The following CHODL variants were observed in gnomAD, a reference collection of about 807,000 sequenced individuals.
CHODL encodes the protein transmembrane protein MT75.
Under a neutral mutation model 34.5 loss-of-function variants are expected in CHODL, and 29 were observed. The ratio of observed to expected loss-of-function variants is 0.84; its 90% CI spans 0.63 to 1.15. CHODL has a LOEUF of 1.15. CHODL is among the 50% of genes most tolerant of loss of function. The pLI is 0.00. For missense variants in CHODL, 332 were observed against 332.5 expected (o/e 1.00, Z 0.01); for synonymous variants, 125 against 116.1 (o/e 1.08, Z -0.49).
intron 3 of CHODL, among the ~76,000 whole-genome samples, chr21:18,257,342 G>T (rs1257671244): frequency 6.6e-6 from 1 of 152,120 alleles, no homozygotes; most frequent in African/African-American, 2.4e-5. Flanking sequence ...AATAAAAACA[G>T]CTGGAGAGAT....
chr21:18,009,517 G>A (rs1279010091), intron 1 of CHODL, among the ~76,000 whole-genome samples: 1 of 151,988 alleles, frequency 6.6e-6, no homozygotes, highest in Non-Finnish European at 1.5e-5. Flanking sequence ...AGCATAAAAT[G>A]AGGATAATGT....
intron 1 of CHODL, among the ~76,000 whole-genome samples, chr21:17,982,481 C>T (rs893487494): frequency 1.2e-4 from 18 of 151,854 alleles, no homozygotes; most frequent in African/African-American, 3.9e-4. Flanking sequence ...AGAAGTGATA[C>T]CCAGTTAAAA....
chr21:18,082,438 T>C (rs1968804665), intron 2 of CHODL, among the ~76,000 whole-genome samples: 1 of 41,902 alleles, frequency 2.4e-5, no homozygotes, highest in African/African-American at 5.8e-5. Context: ...GCTATAAAGA[T>C]ACTGAAAATG....
chr21:18,113,656 G>T lies in CHODL; in HGVS notation c.-45+85685G>T, dbSNP rs551841294. Among the ~76,000 whole-genome samples, 18 of 152,248 alleles carry T rather than the reference G, an allele frequency of 1.2e-4. 1 individual carries two copies. The South Asian group carries it at 3.7e-3, about 32-fold the overall frequency. ...ACTTACTATCACCAGAATAGCAAGG[G>T]GGGAATCCACCCATGATCCAGTCAC... On this transcript the variant is annotated intron_variant, in intron 2 of 6. Coordinates refer to the CHODL transcript ENST00000400127.
At chr21:18,185,161 T>C in intron 2 of CHODL, among the ~76,000 whole-genome samples, 1 of 152,208 alleles carries the variant, frequency 6.6e-6, no homozygotes, top group East Asian at 1.9e-4. Context: ...CTCCTAATGC[T>C]ATCCCTCCCC....
At chr21:18,079,020 T>C (rs909950935) in intron 2 of CHODL, among the ~76,000 whole-genome samples, 4 of 152,180 alleles carry the variant, frequency 2.6e-5, no homozygotes, top group Non-Finnish European at 5.9e-5. Context: ...AGTGCAGATT[T>C]CTTACTTGCA....
At chr21:18,049,297 T>C (rs565783456) in intron 2 of CHODL, among the ~76,000 whole-genome samples, 1 of 152,046 alleles carries the variant, frequency 6.6e-6, no homozygotes, top group African/African-American at 2.4e-5. Flanking sequence ...TGATAAACTT[T>C]TTAGAAGTTT....
chr21:18,179,638 T>C (rs993970807), intron 2 of CHODL, among the ~76,000 whole-genome samples: 3 of 152,184 alleles, frequency 2.0e-5, no homozygotes, highest in African/African-American at 7.2e-5. Flanking sequence ...GGACCAATTA[T>C]GTCTGATAAT....
chr21:18,211,967 T>A (rs989144846), intron 2 of CHODL, among the ~76,000 whole-genome samples: 2 of 152,166 alleles, frequency 1.3e-5, no homozygotes, highest in Admixed American at 6.5e-5. Context: ...TTAGAATCCA[T>A]GCAGAAAAAT....
intron 2 of CHODL, among the ~76,000 whole-genome samples, chr21:18,229,271 T>C (rs1312713862): frequency 6.6e-6 from 1 of 152,178 alleles, no homozygotes; most frequent in Non-Finnish European, 1.5e-5. Flanking sequence ...AGATTTTCTG[T>C]GATAATTTTG....
intron 1 of CHODL, among the ~76,000 whole-genome samples, chr21:17,944,565 A>C (rs2063390451): frequency 1.3e-5 from 2 of 152,130 alleles, no homozygotes; most frequent in Admixed American, 1.3e-4. Flanking sequence ...GTCTCCATCT[A>C]ACTTTAGGGC....
At chr21:17,927,985 A>G (rs1363925443) in intron 1 of CHODL, among the ~76,000 whole-genome samples, 3 of 152,224 alleles carry the variant, frequency 2.0e-5, no homozygotes, top group African/African-American at 4.8e-5. Context: ...GGGTACAGGT[A>G]TATTCAGCTG....
intron 2 of CHODL, among the ~76,000 whole-genome samples, chr21:18,151,534 T>C: frequency 6.6e-6 from 1 of 152,242 alleles, no homozygotes; most frequent in East Asian, 1.9e-4. Context: ...CCCTGAGTTA[T>C]GTGAGACACT....
At chr21:18,100,116 G>T (rs952285637) in intron 2 of CHODL, 2 of 151,964 alleles carry the variant, frequency 1.3e-5, no homozygotes, top group Non-Finnish European at 2.9e-5. Context: ...CATAAGAGAA[G>T]AAAACAATAA....
chr21:18,223,240 C>G (rs190725953), intron 2 of CHODL, among the ~76,000 whole-genome samples: 1 of 152,164 alleles, frequency 6.6e-6, no homozygotes, highest in Non-Finnish European at 1.5e-5. Flanking sequence ...TACTGTATCT[C>G]CAACAGCTAT....
intron 2 of CHODL, among the ~76,000 whole-genome samples, chr21:18,180,717 G>T (rs945573456): frequency 2.6e-5 from 4 of 152,190 alleles, no homozygotes; most frequent in African/African-American, 4.8e-5. Context: ...ATCAAACAGG[G>T]TGTTTTAAAA....
chr21:18,149,881 A>G (rs773341449), intron 2 of CHODL, among the ~76,000 whole-genome samples: 7 of 152,198 alleles, frequency 4.6e-5, no homozygotes, highest in Non-Finnish European at 8.8e-5. Context: ...AAAAGAGTCA[A>G]ACTCTGTAAA....
intron 2 of CHODL, among the ~76,000 whole-genome samples, chr21:18,169,830 T>G (rs547869521): frequency 2.6e-5 from 4 of 152,056 alleles, no homozygotes; most frequent in Non-Finnish European, 5.9e-5. Flanking sequence ...ATCTCAAAGT[T>G]TTTCTGAATT....
intron 1 of CHODL, among the ~76,000 whole-genome samples, chr21:17,940,110 A>G (rs1035247088): frequency 6.6e-6 from 1 of 152,190 alleles, no homozygotes; most frequent in South Asian, 2.1e-4. Context: ...TCATTGGCCC[A>G]GAAAGTTCTA....
Sources: allele counts gnomAD v4.1 joint callset (sites outside exome capture counted in the v4.1 genomes callset), GRCh38; gene constraint gnomAD v4.1.1; transcripts MANE v1.5; gene names NCBI Gene and HGNC (gene_info 2026-07-23, HGNC 2026-07-21).